The following MTHFD2L variants were observed in gnomAD, a reference collection of about 807,000 sequenced individuals.
MTHFD2L encodes methylenetetrahydrofolate dehydrogenase (NADP+ dependent) 2 like.
In MTHFD2L, 29 loss-of-function variants were observed where a neutral mutation model predicts 34.9. That is an observed-to-expected ratio of 0.83 (90% confidence interval 0.62 to 1.13). The LOEUF (loss-of-function observed/expected upper bound fraction) is 1.13. Among genes scored for constraint, MTHFD2L ranks in the 50% most tolerant of loss-of-function variants. The probability of loss-of-function intolerance (pLI) is 0.00; values close to 1 mark genes in which losing one functional copy is unlikely to be tolerated. For missense variants in MTHFD2L, 481 were observed against 446.5 expected (o/e 1.08, Z -0.70); for synonymous variants, 167 against 155.7 (o/e 1.07, Z -0.54).
At chr4:74,207,792 G>T in intron 5 of MTHFD2L, among the ~76,000 whole-genome samples, 1 of 82,412 alleles carries the variant, frequency 1.2e-5, no homozygotes, top group African/African-American at 6.8e-5. Context: ...TGCCAGCCTG[G>T]AAGTTTTATC....
chr4:74,263,173 G>C (rs1744889202), intron 6 of MTHFD2L, among the ~76,000 whole-genome samples: 1 of 151,772 alleles, frequency 6.6e-6, no homozygotes, highest in Non-Finnish European at 1.5e-5. Flanking sequence ...TCTCTATTCT[G>C]TTCCATTGGT....
At chr4:74,201,160 A>T (rs1734353850) in intron 4 of MTHFD2L, 103 bp from the exon 5 acceptor site, 1 of 748,028 alleles carries the variant, frequency 1.3e-6, no homozygotes, top group South Asian at 2.0e-5. Context: ...AATAATTCAG[A>T]TTTAATTAGA....
chr4:74,300,354 A>G (rs1007610212), intron 7 of MTHFD2L, among the ~76,000 whole-genome samples: 7 of 151,920 alleles, frequency 4.6e-5, no homozygotes, highest in Non-Finnish European at 7.4e-5. Context: ...CCAATGTACT[A>G]TTCACTTCAA....
intron 4 of MTHFD2L, among the ~76,000 whole-genome samples, chr4:74,201,045 T>TCACA (rs1734332882): frequency 6.6e-6 from 1 of 152,216 alleles, no homozygotes; most frequent in Non-Finnish European, 1.5e-5. Context: ...AGAATGTCTG[T>TCACA]GGTTTTTAAT....
At chr4:74,173,262 G>A (rs980859960) in intron 1 of MTHFD2L, among the ~76,000 whole-genome samples, 1 of 152,192 alleles carries the variant, frequency 6.6e-6, no homozygotes, top group African/African-American at 2.4e-5. Flanking sequence ...TTGAGGTCAT[G>A]GAGAGCAGAA....
At chr4:74,235,599 G>A (rs1434063751) in intron 6 of MTHFD2L, among the ~76,000 whole-genome samples, 3 of 152,096 alleles carry the variant, frequency 2.0e-5, no homozygotes, top group Non-Finnish European at 2.9e-5. Context: ...TATTGGACAC[G>A]AATTCATGGA....
chr4:74,296,960 C>T (rs956659012), intron 7 of MTHFD2L, among the ~76,000 whole-genome samples: 4 of 151,936 alleles, frequency 2.6e-5, no homozygotes, highest in Admixed American at 2.0e-4. Flanking sequence ...GAGAAGGGCA[C>T]GTTAGACAAA....
intron 7 of MTHFD2L, among the ~76,000 whole-genome samples, chr4:74,296,065 A>ATG (rs1749594683): frequency 6.6e-6 from 1 of 152,152 alleles, no homozygotes; most frequent in African/African-American, 2.4e-5. Flanking sequence ...ATGAGGCAGT[A>ATG]TCTATGTCTG....
chr4:74,176,282 T>G (rs1411075888), intron 3 of MTHFD2L, among the ~76,000 whole-genome samples: 1 of 152,070 alleles, frequency 6.6e-6, no homozygotes, highest in African/African-American at 2.4e-5. Context: ...TAAATTAGAT[T>G]CCTATTGAAA....
At chr4:74,209,502 T>C (rs1180916578) in intron 5 of MTHFD2L, among the ~76,000 whole-genome samples, 2 of 152,228 alleles carry the variant, frequency 1.3e-5, no homozygotes, top group African/African-American at 2.4e-5. Context: ...GCTTCATCCA[T>C]GTCCCTGCAA....
intron 1 of MTHFD2L, among the ~76,000 whole-genome samples, chr4:74,163,653 A>G (rs923418583): frequency 2.6e-5 from 4 of 152,216 alleles, no homozygotes; most frequent in Non-Finnish European, 5.9e-5. Context: ...GCAGGTATTC[A>G]TTTATTTTAA....
intron 6 of MTHFD2L, among the ~76,000 whole-genome samples, chr4:74,278,697 G>A (rs1015172228): frequency 6.6e-6 from 1 of 151,992 alleles, no homozygotes; most frequent in African/African-American, 2.4e-5. Flanking sequence ...GCTAGCTTGA[G>A]CTTGTTTTCA....
chr4:74,145,206 A>G (rs936039984), intron 1 of MTHFD2L, among the ~76,000 whole-genome samples: 2 of 152,006 alleles, frequency 1.3e-5, no homozygotes, highest in Non-Finnish European at 2.9e-5. Context: ...GCAGGTTTGC[A>G]TCCTCGAATT....
intron 5 of MTHFD2L, among the ~76,000 whole-genome samples, chr4:74,210,289 C>T (rs1260831207): frequency 1.3e-5 from 2 of 152,094 alleles, no homozygotes; most frequent in Non-Finnish European, 2.9e-5. Context: ...AATGGTATTG[C>T]CTAGGTTTTC....
intron 7 of MTHFD2L, among the ~76,000 whole-genome samples, chr4:74,295,347 C>T (rs1749499830): frequency 6.6e-6 from 1 of 152,070 alleles, no homozygotes; most frequent in African/African-American, 2.4e-5. Flanking sequence ...CCTTTCTTCC[C>T]TGCTCAGGTG....
chr4:74,194,763 C>T (rs765776579), intron 3 of MTHFD2L: 14 of 152,194 alleles, frequency 9.2e-5, no homozygotes, highest in African/African-American at 2.7e-4. Context: ...GCCAGCTGCT[C>T]GAACCATGTT....
chr4:74,181,408 G>A (rs1211958541), intron 3 of MTHFD2L, among the ~76,000 whole-genome samples: 3 of 152,122 alleles, frequency 2.0e-5, no homozygotes, highest in African/African-American at 7.2e-5. Context: ...CTTACCAGTA[G>A]ATGCTATTTC....
intron 6 of MTHFD2L, among the ~76,000 whole-genome samples, chr4:74,263,227 T>A (rs550850553): frequency 6.6e-6 from 1 of 152,128 alleles, no homozygotes; most frequent in South Asian, 2.1e-4. Flanking sequence ...TTTTGGTTAA[T>A]GTAACCCTGT....
intron 6 of MTHFD2L, among the ~76,000 whole-genome samples, chr4:74,227,356 A>G (rs563151284): frequency 1.3e-5 from 2 of 152,296 alleles, no homozygotes; most frequent in East Asian, 3.9e-4. Context: ...AAGAGCTGCA[A>G]CAGCTTTTGT....
Sources: allele counts gnomAD v4.1 joint callset (sites outside exome capture counted in the v4.1 genomes callset), GRCh38; gene constraint gnomAD v4.1.1; transcripts MANE v1.5; gene names NCBI Gene and HGNC (gene_info 2026-07-23, HGNC 2026-07-21).